Variants in JCAD observed in about 807,000 individuals in gnomAD.
JCAD encodes junctional cadherin 5-associated protein.
JCAD carries 40 observed loss-of-function variants against 98.0 expected under a neutral mutation model. That is an observed-to-expected ratio of 0.41 (90% CI 0.32 to 0.53). The LOEUF (loss-of-function observed/expected upper bound fraction) is 0.53. JCAD is among the 20% of genes least tolerant of loss of function. The pLI is 0.31. For synonymous variants in JCAD, 691 were observed against 682.3 expected (o/e 1.01, Z -0.20); for missense variants, 1,705 against 1,738.1 (o/e 0.98, Z 0.34).
chr10:30,017,992 G>A lies in JCAD; in HGVS notation c.4046-75C>T, dbSNP rs1429267034. ...ATTTTCTGTTTAATCCTTAGACCAC[G>A]AATTTGTCTAGGGAACAAAATCTAC... On this transcript the variant is annotated intron_variant, in intron 3 of 3. Coordinates refer to ENST00000375377, the MANE Select transcript of JCAD (RefSeq NM_020848.4). The A allele has an allele frequency of 7.8e-5, 90 of 1,160,018 alleles. 2 individuals are homozygous for A. The South Asian group carries it at 1.0e-3, about 13-fold the overall frequency. The allele number at this position is 1,160,018 out of a possible 1,614,324, so 71.9% of individuals were successfully genotyped here. A position where few individuals can be genotyped will look rare whatever the true frequency, so the allele number is the denominator to read the frequency against.
At chr10:30,029,957 G>A (rs1178643166) in intron 2 of JCAD, 91 bp from the exon 3 acceptor site, 10 of 1,408,062 alleles carry the variant, frequency 7.1e-6, no homozygotes, top group Non-Finnish European at 9.4e-6. Context: ...ACTCAGGTCA[G>A]CAACTTTGAA....
chr10:30,042,199 G>T (rs1277619398), intron 2 of JCAD, among the ~76,000 whole-genome samples: 2 of 152,174 alleles, frequency 1.3e-5, no homozygotes, highest in Middle Eastern at 3.2e-3. Flanking sequence ...AGTGTTATTT[G>T]TCAAATTGTC....
chr10:30,056,804 A>G (rs1837578183), intron 1 of JCAD, among the ~76,000 whole-genome samples: 1 of 152,202 alleles, frequency 6.6e-6, no homozygotes, highest in African/African-American at 2.4e-5. Context: ...AATCAAGATA[A>G]TTGAGGTTTT....
Position 30,027,965 on chromosome 10 carries a change from G to A in JCAD, c.2183C>T (p.Ser728Phe), listed in dbSNP as rs763883718. Reference protein sequence around the residue: ...LSPKCSDPAASEAQTHTAFPT... With the variant: ...LSPKCSDPAAFEAQTHTAFPT... ...GAATGCTGTGTGCGTCTGAGCTTCGGAGGCAGCAGGGTCTGAACATTTTGG... is the reference window on the plus strand; with the variant it reads ...GAATGCTGTGTGCGTCTGAGCTTCGAAGGCAGCAGGGTCTGAACATTTTGG... Residue 728 changes from serine (S) to phenylalanine (F), a missense_variant, in exon 3 of 4, where the codon TCC (serine) becomes TTC (phenylalanine). Physicochemically the swap from Ser to Phe is radical, Grantham distance 155 (BLOSUM62 -2). This residue lies in a region of JCAD where 1,278 missense variants were observed against 1,243.1 expected (regional missense o/e 1.03). Coordinates refer to ENST00000375377, the MANE Select transcript of JCAD (RefSeq NM_020848.4). The A allele has an allele frequency of 8.7e-6, 14 of 1,614,226 alleles. No individual in the cohort carries two copies. Among genetic ancestry groups the A allele is most frequent in the Non-Finnish European group, 1.2e-5 (14 of 1,180,044 alleles).
chr10:30,060,808 G>A (rs965770769), upstream of JCAD, among the ~76,000 whole-genome samples: 2 of 152,204 alleles, frequency 1.3e-5, no homozygotes, highest in African/African-American at 4.8e-5. Context: ...GACGGGCACA[G>A]ATGGCAAGCT....
At chr10:30,039,354 C>T (rs1346439293) in intron 2 of JCAD, among the ~76,000 whole-genome samples, 8 of 152,228 alleles carry the variant, frequency 5.3e-5, no homozygotes, top group Admixed American at 5.2e-4. Flanking sequence ...GCAGGGCAGA[C>T]ACTGTTCCCT....
chr10:30,031,741 C>G (rs968248207), intron 2 of JCAD, among the ~76,000 whole-genome samples: 5 of 140,814 alleles, frequency 3.6e-5, no homozygotes, highest in Admixed American at 1.4e-4. Flanking sequence ...TGCGCCCAGC[C>G]CCATCTGTAT....
At chr10:30,024,377 T>C (rs1348260374) in intron 3 of JCAD, among the ~76,000 whole-genome samples, 3 of 152,296 alleles carry the variant, frequency 2.0e-5, no homozygotes, top group Non-Finnish European at 2.9e-5. Flanking sequence ...TTAACTAACC[T>C]TAAAGTCTAG....
chr10:30,071,470 T>C (rs1027906307), intron 1 of JCAD, among the ~76,000 whole-genome samples: 3 of 152,150 alleles, frequency 2.0e-5, no homozygotes, highest in African/African-American at 7.2e-5. Flanking sequence ...CCACGTGATG[T>C]ACAATGTTAA....
intron 2 of JCAD, among the ~76,000 whole-genome samples, chr10:30,041,524 A>G (rs1229250924): frequency 1.3e-5 from 2 of 152,250 alleles, no homozygotes; most frequent in Non-Finnish European, 2.9e-5. Context: ...TACCATATCC[A>G]GTAGCACTAT....
At chr10:30,094,141 T>A (rs533622413) in intron 1 of JCAD, among the ~76,000 whole-genome samples, 2 of 152,264 alleles carry the variant, frequency 1.3e-5, no homozygotes, top group Non-Finnish European at 1.5e-5. Context: ...TAAGTCAAGA[T>A]GAAAGTTCAT....
At chr10:30,055,933 C>T (rs1313699363) in intron 1 of JCAD, among the ~76,000 whole-genome samples, 2 of 151,672 alleles carry the variant, frequency 1.3e-5, no homozygotes, top group Non-Finnish European at 2.9e-5. Context: ...AATGTGAACA[C>T]ACACACATGC....
intron 1 of JCAD, among the ~76,000 whole-genome samples, chr10:30,058,900 C>G (rs939617423): frequency 6.6e-6 from 1 of 152,170 alleles, no homozygotes; most frequent in Non-Finnish European, 1.5e-5. Context: ...CAGCGCAGAC[C>G]GCGCAGAGAC....
Position 30,029,436 on chromosome 10 carries a change from G to A in JCAD, c.712C>T (p.Pro238Ser), listed in dbSNP as rs1836936672. 5.6e-6 allele frequency: 9 copies of A among 1,614,066 alleles called. No individual in the cohort carries two copies. Among genetic ancestry groups the A allele is most frequent in the Non-Finnish European group, 7.6e-6 (9 of 1,180,006 alleles). Residue 238 changes from proline to serine, a missense_variant, in exon 3 of 4, where the codon CCC becomes TCC. Pro to Ser is a moderately conservative substitution (Grantham distance 74, BLOSUM62 -1). Transcript: ENST00000375377. ...KSRSLPRVLS[P>S]ESLSCTEIPI... ...ATTTCCGTGCAACTCAGGCTCTCGG[G>A]GGAAAGAACTCTAGGCAGTGAGCGA...
At position 30,047,795 on chromosome 10, in the gene JCAD, G is replaced by A; in HGVS notation, c.18C>T (p.Asp6=). The change falls in exon 2 of 4, where the codon GAC becomes GAT. Residue 6 remains aspartate (D), a synonymous_variant. Coordinates refer to ENST00000375377, the MANE Select transcript of JCAD (RefSeq NM_020848.4). Reference sequence around the variant, plus strand: ...GCTTGTATCCATGAGAGATCAGGAGGTCTTCTACACTGTACATGATGCCTG... The same window carrying A: ...GCTTGTATCCATGAGAGATCAGGAGATCTTCTACACTGTACATGATGCCTG... MYSVE[D]LLISHGYKLS... 1.2e-6 allele frequency: 2 copies of A among 1,613,156 alleles called. No individual in the cohort carries two copies. The highest frequency in any genetic ancestry group is 1.7e-6 in the Non-Finnish European group (2 of 1,179,548).
chr10:30,110,721 T>A (rs1193751011), intron 1 of JCAD, among the ~76,000 whole-genome samples: 1 of 151,500 alleles, frequency 6.6e-6, no homozygotes, highest in Non-Finnish European at 1.5e-5. Context: ...GGACCCCTGG[T>A]ATATAGACCA....
intron 3 of JCAD, 54 bp from the exon 4 acceptor site, chr10:30,017,971 T>G: frequency 7.2e-7 from 1 of 1,398,290 alleles, no homozygotes; most frequent in South Asian, 1.2e-5. Context: ...TGCTCTATTT[T>G]CTGTTTAATC....
chr10:30,113,115 T>C (rs959618861), intron 1 of JCAD, among the ~76,000 whole-genome samples: 2 of 152,172 alleles, frequency 1.3e-5, no homozygotes, highest in Non-Finnish European at 2.9e-5. Flanking sequence ...ATATGTATTT[T>C]GTCACAATTT....
chr10:30,109,675 G>T (rs897235021), intron 1 of JCAD, among the ~76,000 whole-genome samples: 19 of 152,208 alleles, frequency 1.2e-4, no homozygotes, highest in Non-Finnish European at 2.9e-5. Context: ...GTGGATGGTG[G>T]AAGGATACTA....
Sources: allele counts gnomAD v4.1 joint callset (sites outside exome capture counted in the v4.1 genomes callset), GRCh38; gene constraint gnomAD v4.1.1; regional missense constraint gnomAD v4.1.1; transcripts MANE v1.5; gene names NCBI Gene and HGNC (gene_info 2026-07-23, HGNC 2026-07-21).